Variants in NDST3 observed in about 807,000 individuals in gnomAD.
The protein encoded by NDST3 is bifunctional heparan sulfate N-deacetylase/N-sulfotransferase 3.
A neutral mutation model predicts 96.1 loss-of-function variants in NDST3; 58 were observed. That is an observed-to-expected ratio of 0.60 (90% CI 0.49 to 0.75). The LOEUF (loss-of-function observed/expected upper bound fraction) is 0.75. Ranked by LOEUF, NDST3 falls within the 30% of genes least tolerant of loss-of-function variation. NDST3 has a pLI of 0.00. For missense variants in NDST3, 788 were observed against 1,034.2 expected (o/e 0.76, Z 3.27); for synonymous variants, 333 against 359.7 (o/e 0.93, Z 0.84).
intron 6 of NDST3, among the ~76,000 whole-genome samples, chr4:118,143,928 T>C (rs1733753178): frequency 6.6e-6 from 1 of 152,176 alleles, no homozygotes; most frequent in Non-Finnish European, 1.5e-5. Context: ...CTCCTTTGCA[T>C]TGCAAAGTGA....
intron 6 of NDST3, among the ~76,000 whole-genome samples, chr4:118,160,426 G>A (rs999520403): frequency 6.6e-6 from 1 of 151,032 alleles, no homozygotes; most frequent in African/African-American, 2.4e-5. Flanking sequence ...TCTGACAAAG[G>A]TCCAATAGCC....
In NDST3 at chr4:118,224,618, A is replaced by G; in HGVS notation, c.1667A>G (p.Gln556Arg). ...CGACTTCAGACTCTGCCTCCAGTACAACTGGCCCACAAGTATTTTGAGCTG... is the reference window on the plus strand; with the variant it reads ...CGACTTCAGACTCTGCCTCCAGTACGACTGGCCCACAAGTATTTTGAGCTG... Reference protein sequence around the residue: ...NLRLQTLPPVQLAHKYFELFP... With the variant: ...NLRLQTLPPVRLAHKYFELFP... The change falls in exon 7 of 14, where the codon CAA becomes CGA. Residue 556 changes from glutamine (Q) to arginine (R), a missense_variant. By Grantham distance (43) the Gln-to-Arg change is conservative (BLOSUM62 1). Coordinates refer to ENST00000296499, the MANE Select transcript of NDST3 (RefSeq NM_004784.3). 6.2e-7 allele frequency: 1 copy of G among 1,611,648 alleles called. No homozygotes were observed. The highest frequency in any genetic ancestry group is 1.1e-5 in the South Asian group (1 of 90,240).
At chr4:118,041,424 G>A (rs1218849668) in intron 1 of NDST3, among the ~76,000 whole-genome samples, 1 of 152,176 alleles carries the variant, frequency 6.6e-6, no homozygotes, top group Admixed American at 6.5e-5. Context: ...TCTTGATGAT[G>A]TGTTGACATT....
chr4:118,226,783 A>G (rs549839862), intron 7 of NDST3, 103 bp from the exon 8 acceptor site: 3 of 777,530 alleles, frequency 3.9e-6, no homozygotes, highest in Non-Finnish European at 6.3e-6. Context: ...TTTTTATCCC[A>G]GCGTTTCCTG....
intron 6 of NDST3, among the ~76,000 whole-genome samples, chr4:118,179,315 T>A (rs879655312): frequency 2.6e-5 from 4 of 152,078 alleles, no homozygotes; most frequent in Admixed American, 6.6e-5. Context: ...ACTTCACATA[T>A]TTTTAACATT....
intron 6 of NDST3, among the ~76,000 whole-genome samples, chr4:118,167,346 C>G (rs952370000): frequency 6.6e-6 from 1 of 151,858 alleles, no homozygotes; most frequent in Non-Finnish European, 1.5e-5. Flanking sequence ...TAGAAATAAA[C>G]TGTCCCAAGT....
chr4:118,236,941 T>C (rs1399854302), intron 9 of NDST3, 105 bp from the exon 10 acceptor site: 2 of 862,028 alleles, frequency 2.3e-6, no homozygotes, highest in Non-Finnish European at 1.6e-6. Context: ...AGAAAAAGCC[T>C]TTTATTTAGG....
chr4:118,080,358 C>T (rs2389513), intron 2 of NDST3, among the ~76,000 whole-genome samples: 129,528 of 151,858 alleles, frequency 0.85, 56,794 homozygotes, highest in South Asian at 0.96. Context: ...CAATAGCATA[C>T]TGATAGTATT....
chr4:118,233,948 G>T (rs552310685), intron 9 of NDST3, among the ~76,000 whole-genome samples: 1 of 152,320 alleles, frequency 6.6e-6, no homozygotes, highest in East Asian at 1.9e-4. Flanking sequence ...CTGAGGAGCT[G>T]CTTATGAGAA....
chr4:118,143,848 C>A lies in NDST3; in HGVS notation c.1539+164C>A, dbSNP rs534123995. 3.9e-5 allele frequency among the ~76,000 whole-genome samples: 6 copies of A among 152,256 alleles called. No homozygotes were observed. In the East Asian group the frequency reaches 1.2e-3, roughly 29 times the overall value. On this transcript the variant is annotated intron_variant, in intron 6 of 13. Coordinates refer to ENST00000296499, the MANE Select transcript of NDST3 (RefSeq NM_004784.3). ...ATGGAACCACATCTAGAAATGGGAA[C>A]AAACCAATTCTACAAGTAGCAGTAA...
intron 4 of NDST3, among the ~76,000 whole-genome samples, chr4:118,121,326 C>T (rs1218065625): frequency 6.6e-6 from 1 of 152,080 alleles, no homozygotes; most frequent in African/African-American, 2.4e-5. Context: ...TATTTTTTCA[C>T]CAGAATAGTT....
intron 12 of NDST3, among the ~76,000 whole-genome samples, chr4:118,247,763 AGTT>A (rs1349089096): frequency 4.6e-5 from 7 of 152,236 alleles, no homozygotes; most frequent in Admixed American, 2.0e-4. Flanking sequence ...ACCTTAAAAA[AGTT>A]GTTAAAATAA....
At chr4:118,220,132 T>C (rs1739442103) in intron 6 of NDST3, among the ~76,000 whole-genome samples, 1 of 152,074 alleles carries the variant, frequency 6.6e-6, no homozygotes, top group Admixed American at 6.6e-5. Flanking sequence ...GTATAAATCA[T>C]TCTACTATAA....
intron 6 of NDST3, among the ~76,000 whole-genome samples, chr4:118,222,624 T>C (rs187813604): frequency 6.6e-6 from 1 of 152,104 alleles, no homozygotes; most frequent in Admixed American, 6.6e-5. Flanking sequence ...TTGGGAAAAG[T>C]TCCACGCTTG....
At chr4:118,226,449 T>C (rs924065602) in intron 7 of NDST3, among the ~76,000 whole-genome samples, 7 of 152,212 alleles carry the variant, frequency 4.6e-5, no homozygotes, top group African/African-American at 1.7e-4. Flanking sequence ...GCCAGATCCC[T>C]ATCCCTTTGA....
intron 6 of NDST3, among the ~76,000 whole-genome samples, chr4:118,168,649 G>A (rs967698968): frequency 3.9e-5 from 6 of 152,040 alleles, no homozygotes; most frequent in African/African-American, 1.4e-4. Context: ...CTGAAATTGG[G>A]ATCTTGAAGA....
chr4:118,237,172 T>C lies in NDST3; in HGVS notation c.2070T>C (p.Ile690=). 6.2e-7 allele frequency: 1 copy of C among 1,613,654 alleles called. No individual in the cohort carries two copies. The highest frequency in any genetic ancestry group is 1.1e-5 in the South Asian group (1 of 90,966). ...CTTCTCTGGTTCCCAAAGCCAAGATTATCACCATTCTCATTGACCCTTCAG... is the reference window on the plus strand; with the variant it reads ...CTTCTCTGGTTCCCAAAGCCAAGATCATCACCATTCTCATTGACCCTTCAG... The part of the protein sequence containing the change: ...RAASLVPKAK[I]ITILIDPSDR... Residue 690 remains isoleucine, a synonymous_variant, in exon 10 of 14, where the codon ATT becomes ATC. Coordinates refer to ENST00000296499, the MANE Select transcript of NDST3 (RefSeq NM_004784.3).
intron 12 of NDST3, among the ~76,000 whole-genome samples, chr4:118,247,755 C>A (rs1380489039): frequency 6.6e-6 from 1 of 151,642 alleles, no homozygotes; most frequent in Non-Finnish European, 1.5e-5. Flanking sequence ...TAAATAATAC[C>A]TTAAAAAAGT....
chr4:118,110,281 T>C (rs1468018275), intron 3 of NDST3, among the ~76,000 whole-genome samples: 1 of 152,236 alleles, frequency 6.6e-6, no homozygotes, highest in Non-Finnish European at 1.5e-5. Flanking sequence ...GAATAAATGC[T>C]GATCTTATTT....
Sources: gnomAD v4.1 joint callset for allele counts (sites outside exome capture counted in the v4.1 genomes callset) on GRCh38, gnomAD v4.1.1 for gene constraint, MANE v1.5 for transcripts, NCBI Gene and HGNC (gene_info 2026-07-23, HGNC 2026-07-21) for gene names.